Variants in DLGAP2 observed in about 807,000 individuals in gnomAD.
DLGAP2 encodes the protein DLG associated protein 2.
A neutral mutation model predicts 100.3 loss-of-function variants in DLGAP2; 26 were observed. The ratio of observed to expected loss-of-function variants is 0.26; its 90% CI spans 0.19 to 0.36. The LOEUF (loss-of-function observed/expected upper bound fraction) is 0.36, where lower values mean the gene tolerates loss of function less well. Ranked by LOEUF, DLGAP2 falls within the 10% of genes least tolerant of loss-of-function variation. The probability of loss-of-function intolerance (pLI) is 1.00; values close to 1 mark genes in which losing one functional copy is unlikely to be tolerated. For missense variants in DLGAP2, 1,858 were observed against 1,453.2 expected, an observed-to-expected ratio of 1.28 and a Z score of -4.53; for synonymous variants, 886 against 630.1, an observed-to-expected ratio of 1.41 and a Z score of -6.08.
chr8:1,614,643 G>C (rs944369001), intron 6 of DLGAP2, among the ~76,000 whole-genome samples: 15 of 152,218 alleles, frequency 9.9e-5, no homozygotes, highest in African/African-American at 3.6e-4. Flanking sequence ...CTGCAGTGCT[G>C]GGCTCCCCAA....
chr8:889,057 C>G (rs1797981764), intron 1 of DLGAP2, among the ~76,000 whole-genome samples: 1 of 152,144 alleles, frequency 6.6e-6, no homozygotes, highest in Non-Finnish European at 1.5e-5. Context: ...GGGGGTTGTT[C>G]TCTGGCGGGC....
chr8:1,277,896 C>T (rs574360266), intron 3 of DLGAP2, among the ~76,000 whole-genome samples: 1 of 152,322 alleles, frequency 6.6e-6, no homozygotes, highest in South Asian at 2.1e-4. Flanking sequence ...ACAATGCTGA[C>T]AGCGGAAACG....
chr8:1,600,861 A>T (rs182607417), intron 6 of DLGAP2, among the ~76,000 whole-genome samples: 15 of 152,012 alleles, frequency 9.9e-5, no homozygotes, highest in African/African-American at 3.6e-4. Flanking sequence ...ACTTTCTGAA[A>T]CCTACTTCTA....
chr8:1,620,427 C>T (rs773282102), intron 6 of DLGAP2: 3 of 152,358 alleles, frequency 2.0e-5, no homozygotes, highest in Non-Finnish European at 2.9e-5. Context: ...CCGACGTCTT[C>T]CACACTTTTA....
At chr8:1,210,150 C>G (rs1225969129) in intron 2 of DLGAP2, among the ~76,000 whole-genome samples, 1 of 152,084 alleles carries the variant, frequency 6.6e-6, no homozygotes, top group African/African-American at 2.4e-5. Flanking sequence ...TTACACGTCA[C>G]CCCCCAGGTT....
chr8:849,978 T>G (rs1797154391), intron 1 of DLGAP2, among the ~76,000 whole-genome samples: 1 of 151,232 alleles, frequency 6.6e-6, no homozygotes, highest in South Asian at 2.1e-4. Context: ...GCAGGAGAAT[T>G]GCTTGAACCT....
rs1445089213 is a variant in DLGAP2 at position 1,701,496 on chromosome 8, T to A, written c.*90T>A. 1.5e-6 allele frequency: 2 copies of A among 1,339,070 alleles called. No individual in the cohort carries two copies. Among genetic ancestry groups the A allele is most frequent in the Non-Finnish European group, 2.0e-6 (2 of 993,842 alleles). 82.9% of individuals were successfully genotyped at this position (1,339,070 alleles called of 1,614,324 possible). A position where few individuals can be genotyped will look rare whatever the true frequency, so the allele number is the denominator to read the frequency against. On this transcript the variant is annotated 3_prime_UTR_variant, in exon 15 of 15. Coordinates refer to ENST00000637795, the MANE Select transcript of DLGAP2 (RefSeq NM_001346810.2). Reference sequence around the variant, plus strand: ...CGCCCTGGTGGTTTCTGTCTCCTCCTCCCGCTGAACACGTCCTCGCTCCCG... The same window carrying A: ...CGCCCTGGTGGTTTCTGTCTCCTCCACCCGCTGAACACGTCCTCGCTCCCG...
intron 2 of DLGAP2, among the ~76,000 whole-genome samples, chr8:1,240,145 C>G (rs1299610414): frequency 8.0e-5 from 12 of 149,186 alleles, no homozygotes; most frequent in Non-Finnish European, 1.5e-5. Flanking sequence ...ATGTGTAGTT[C>G]TCTCTCATAC....
At chr8:846,085 T>A (rs1479470602) in intron 1 of DLGAP2, among the ~76,000 whole-genome samples, 1 of 152,248 alleles carries the variant, frequency 6.6e-6, no homozygotes, top group African/African-American at 2.4e-5. Flanking sequence ...AATGGGTAAA[T>A]AAGGGCAGTT....
At chr8:1,173,053 G>A (rs1797164559) in intron 2 of DLGAP2, among the ~76,000 whole-genome samples, 1 of 152,098 alleles carries the variant, frequency 6.6e-6, no homozygotes, top group African/African-American at 2.4e-5. Context: ...GTACAGATGG[G>A]TTTTTGGTGT....
rs939617097 is a variant in DLGAP2 at position 1,705,082 on chromosome 8, A to G, written c.*3676A>G. On this transcript the variant is annotated 3_prime_UTR_variant, in exon 15 of 15. Transcript: ENST00000637795. Reference sequence around the variant, plus strand: ...GAGTCCAGGATGGAATTTCACAGGAAAGTGAAGGGATACTGCAGGCCTGTG... The same window carrying G: ...GAGTCCAGGATGGAATTTCACAGGAGAGTGAAGGGATACTGCAGGCCTGTG... 6.6e-6 allele frequency: 1 copy of G among 152,232 alleles called. No individual in the cohort carries two copies. Among genetic ancestry groups the G allele is most frequent in the African/African-American group, 2.4e-5 (1 of 41,448 alleles). 9.4% of individuals were successfully genotyped at this position (152,232 alleles called of 1,614,324 possible).
intron 2 of DLGAP2, among the ~76,000 whole-genome samples, chr8:1,143,056 G>T (rs780554773): frequency 2.0e-5 from 3 of 152,216 alleles, no homozygotes; most frequent in African/African-American, 7.2e-5. Context: ...GGGCCTCAGG[G>T]TGTGGGACTG....
At chr8:1,376,246 G>A (rs532969335) in intron 3 of DLGAP2, among the ~76,000 whole-genome samples, 6 of 152,236 alleles carry the variant, frequency 3.9e-5, no homozygotes, top group South Asian at 2.1e-4. Flanking sequence ...TGAAGGGCCC[G>A]GGACGTGCTG....
At chr8:906,637 A>T (rs1175699001) in intron 1 of DLGAP2, among the ~76,000 whole-genome samples, 1 of 152,150 alleles carries the variant, frequency 6.6e-6, no homozygotes, top group African/African-American at 2.4e-5. Flanking sequence ...CTGATGAAAA[A>T]TACCGACAGC....
intron 2 of DLGAP2, among the ~76,000 whole-genome samples, chr8:1,158,575 T>C (rs1307052751): frequency 6.6e-6 from 1 of 152,254 alleles, no homozygotes; most frequent in Non-Finnish European, 1.5e-5. Context: ...TCTCTTTTCA[T>C]GGCTTTGGAC....
chr8:1,096,950 C>T (rs918515990), intron 2 of DLGAP2, among the ~76,000 whole-genome samples: 2 of 145,650 alleles, frequency 1.4e-5, no homozygotes, highest in East Asian at 2.1e-4. Flanking sequence ...GGCAGGCCTT[C>T]ACCCTCTGTG....
chr8:742,162 C>T (rs1311334667), intron 1 of DLGAP2, among the ~76,000 whole-genome samples: 2 of 152,196 alleles, frequency 1.3e-5, no homozygotes, highest in Admixed American at 6.5e-5. Context: ...TCAGACATTT[C>T]CACATTAAAC....
intron 1 of DLGAP2, among the ~76,000 whole-genome samples, chr8:776,101 T>G (rs1433169765): frequency 3.3e-5 from 5 of 151,980 alleles, no homozygotes; most frequent in African/African-American, 9.7e-5. Flanking sequence ...GTTGAGGAAT[T>G]TATCCATTTC....
At chr8:1,077,174 G>C (rs770470017) in intron 2 of DLGAP2, among the ~76,000 whole-genome samples, 1 of 152,162 alleles carries the variant, frequency 6.6e-6, no homozygotes, top group Non-Finnish European at 1.5e-5. Context: ...TCTGTCCTCC[G>C]GTTTCTGCTT....
Sources: gnomAD v4.1 joint callset for allele counts (sites outside exome capture counted in the v4.1 genomes callset) on GRCh38, gnomAD v4.1.1 for gene constraint, MANE v1.5 for transcripts, NCBI Gene and HGNC (gene_info 2026-07-23, HGNC 2026-07-21) for gene names.